The following DNAH8 variants were observed in gnomAD, a reference collection of about 807,000 sequenced individuals.
DNAH8 encodes the protein axonemal beta dynein heavy chain 8.
A neutral mutation model predicts 562.1 loss-of-function variants in DNAH8; 382 were observed. That is an observed-to-expected ratio of 0.68 (90% confidence interval 0.63 to 0.74). DNAH8 has a LOEUF of 0.74. DNAH8 is among the 30% of genes least tolerant of loss of function. The probability of loss-of-function intolerance (pLI) is 0.00; values close to 1 mark genes in which losing one functional copy is unlikely to be tolerated. For missense variants in DNAH8, 5,203 were observed against 5,620.4 expected (o/e 0.93, Z 2.37); for synonymous variants, 1,881 against 1,919.4 (o/e 0.98, Z 0.52).
chr6:38,973,662 G>C lies in DNAH8; in HGVS notation c.12527G>C (p.Gly4176Ala), dbSNP rs1763483878. The C allele has an allele frequency of 6.3e-7, 1 of 1,588,610 alleles. No individual in the cohort carries two copies. Among genetic ancestry groups the C allele is most frequent in the Admixed American group, 1.9e-5 (1 of 54,042 alleles). ...ATATGAACTTATTTTTGGATACAGG[G>C]TGGTTGGGTATTACTACAAAATTGC... ...RKLIQMSMQQGGWVLLQNCHL... is the reference protein window; with the variant it reads ...RKLIQMSMQQAGWVLLQNCHL... Residue 4176 changes from glycine to alanine, a missense_variant and splice_region_variant, in exon 84 of 93, where the codon GGT becomes GCT. By Grantham distance (60) the Gly-to-Ala change is moderately conservative (BLOSUM62 0). This residue lies in a region of DNAH8 where 1,399 missense variants were observed against 1,518.4 expected (regional missense o/e 0.92). Transcript: ENST00000327475.
At chr6:38,857,451 C>T (rs1365559577) in intron 41 of DNAH8, 67 bp from the exon 42 acceptor site, 1 of 1,085,982 alleles carries the variant, frequency 9.2e-7, no homozygotes, top group Non-Finnish European at 1.4e-6. Context: ...TAAGTGACCA[C>T]CAAATTTTAT....
At chr6:38,900,703 C>T (rs748279994) in intron 62 of DNAH8, among the ~76,000 whole-genome samples, 11 of 152,008 alleles carry the variant, frequency 7.2e-5, no homozygotes, top group Non-Finnish European at 1.5e-4. Flanking sequence ...CTGCAAACTC[C>T]ACCTCCCAGG....
intron 45 of DNAH8, among the ~76,000 whole-genome samples, chr6:38,865,166 A>G (rs1335878960): frequency 6.6e-6 from 1 of 152,212 alleles, no homozygotes; most frequent in Non-Finnish European, 1.5e-5. Flanking sequence ...TTAAATCTCG[A>G]AGTTGCAAGA....
intron 91 of DNAH8, among the ~76,000 whole-genome samples, chr6:39,023,552 T>C (rs1351768537): frequency 6.6e-6 from 1 of 152,172 alleles, no homozygotes; most frequent in Non-Finnish European, 1.5e-5. Context: ...ACAAAAGTAC[T>C]GCTTTCAAGC....
intron 56 of DNAH8, among the ~76,000 whole-genome samples, chr6:38,886,354 T>G (rs1778925470): frequency 6.6e-6 from 1 of 152,102 alleles, no homozygotes; most frequent in South Asian, 2.1e-4. Context: ...GATGAGAACA[T>G]AAAACCAACA....
In DNAH8 at chr6:38,990,044, A is replaced by T. The variant is rs752607167; in HGVS notation, c.13086A>T (p.Ser4362=). 1 of 1,602,052 alleles carries T rather than the reference A, an allele frequency of 6.2e-7. No homozygotes were observed. The highest frequency in any genetic ancestry group is 8.5e-7 in the Non-Finnish European group (1 of 1,170,066). The change falls in exon 88 of 93, where the codon TCA becomes TCT. Residue 4362 remains serine, a synonymous_variant. Coordinates refer to ENST00000327475, the MANE Select transcript of DNAH8 (RefSeq NM_001206927.2). ...VWFSEKMFEP[S]FCFYTGYKIP... ...TCAGTGAGAAGATGTTTGAACCGTC[A>T]TTCTGCTTTTATACTGGATATAAAA...
intron 9 of DNAH8, among the ~76,000 whole-genome samples, chr6:38,753,921 C>T (rs182356564): frequency 3.3e-5 from 5 of 152,280 alleles, no homozygotes; most frequent in Admixed American, 3.3e-4. Flanking sequence ...TTGCTTCCCA[C>T]TCATACACCC....
At chr6:38,892,213 C>T (rs1779383786) in intron 58 of DNAH8, among the ~76,000 whole-genome samples, 1 of 152,024 alleles carries the variant, frequency 6.6e-6, no homozygotes, top group African/African-American at 2.4e-5. Flanking sequence ...CCTAGGTGGC[C>T]TCATCAAGCT....
intron 33 of DNAH8, among the ~76,000 whole-genome samples, chr6:38,839,019 C>G (rs900479768): frequency 2.0e-5 from 3 of 152,116 alleles, no homozygotes; most frequent in African/African-American, 7.2e-5. Flanking sequence ...AATGCTTCAG[C>G]CATTTAGGGT....
chr6:39,030,788 G>A lies in DNAH8; in HGVS notation c.*396G>A, dbSNP rs1195993524. ...TTTCCCTTGAATAAAATCTAGCCAT[G>A]TCTATGTCTGTGCTAACGTGTTATC... On this transcript the variant is annotated 3_prime_UTR_variant, in exon 93 of 93. Transcript: ENST00000327475. 6.6e-6 allele frequency among the ~76,000 whole-genome samples: 1 copy of A among 152,130 alleles called. No homozygotes were observed. The highest frequency in any genetic ancestry group is 2.4e-5 in the African/African-American group (1 of 41,426).
In DNAH8 at chr6:38,783,030, G is replaced by A. The variant is rs141715565; in HGVS notation, c.2286G>A (p.Pro762=). 2.8e-5 allele frequency: 45 copies of A among 1,613,644 alleles called. No homozygotes were observed. The Admixed American group carries it at 3.5e-4, about 13-fold the overall frequency. ...FFKNSDILSS[P]DGKAVIRQYN... ...AAAACTCAGACATTTTATCAAGTCC[G>A]GACGGTAAAGCTGTCATCCGTCAGT... The change falls in exon 17 of 93, where the codon CCG becomes CCA. Residue 762 remains proline, a synonymous_variant. Transcript: ENST00000327475.
At chr6:39,029,550 C>G (rs1422197440) in intron 92 of DNAH8, among the ~76,000 whole-genome samples, 1 of 152,156 alleles carries the variant, frequency 6.6e-6, no homozygotes, top group Non-Finnish European at 1.5e-5. Flanking sequence ...GAGAGAGACA[C>G]TGGGGAGGGT....
chr6:38,896,008 T>C, intron 59 of DNAH8, 25 bp from the exon 60 acceptor site: 1 of 1,592,392 alleles, frequency 6.3e-7, no homozygotes, highest in Admixed American at 1.7e-5. Flanking sequence ...TATTTAACAT[T>C]CTTACTACTA....
At position 38,938,134 on chromosome 6, in the gene DNAH8, C is replaced by T; in HGVS notation, c.11724C>T (p.Leu3908=). ...FRPAATRGSI[L]YFLITEMSMV... ...CCGCAGCCACCCGCGGAAGCATCCT[C>T]TACTTCCTCATCACAGAGATGAGCA... The change falls in exon 78 of 93, where the codon CTC becomes CTT. Residue 3908 remains leucine (L), a synonymous_variant. Transcript: ENST00000327475. The T allele has an allele frequency of 3.1e-6, 5 of 1,614,124 alleles. No individual in the cohort carries two copies. Among genetic ancestry groups the T allele is most frequent in the Non-Finnish European group, 4.2e-6 (5 of 1,180,026 alleles).
chr6:38,868,790 C>T (rs1040540304), intron 48 of DNAH8, among the ~76,000 whole-genome samples: 4 of 151,980 alleles, frequency 2.6e-5, no homozygotes, highest in Non-Finnish European at 5.9e-5. Flanking sequence ...CCTGCCCCAG[C>T]CTCCTGAGTA....
chr6:38,715,960 A>ATATTTTTTTTTTT (rs1372342002), intron 1 of DNAH8, among the ~76,000 whole-genome samples: 3 of 23,624 alleles, frequency 1.3e-4, no homozygotes, highest in African/African-American at 1.1e-3. Flanking sequence ...ATATATATAT[A>ATATTTTTTTTTTT]TTTTTTTTTT....
rs201672902 is a variant in DNAH8 at position 38,729,928 on chromosome 6, G to A, written c.552G>A (p.Ala184=). 11 of 1,593,426 alleles carry A rather than the reference G, an allele frequency of 6.9e-6. No homozygotes were observed. Among genetic ancestry groups the A allele is most frequent in the East Asian group, 2.2e-5 (1 of 44,606 alleles). The change falls in exon 4 of 93, where the codon GCG becomes GCA. Residue 184 remains alanine, a synonymous_variant. Coordinates refer to ENST00000327475, the MANE Select transcript of DNAH8 (RefSeq NM_001206927.2). ...TGGAAGCATTTACTAATTTTTTTGC[G>A]AAAGATGGTTGTAAGACACTGAAAT... ...PSLEAFTNFF[A]KDGCKTLKFL...
intron 20 of DNAH8, among the ~76,000 whole-genome samples, 155 bp downstream of exon 20, chr6:38,790,560 C>T (rs1234411848): frequency 6.6e-6 from 1 of 152,134 alleles, no homozygotes; most frequent in Admixed American, 6.5e-5. Context: ...CACAGTGGCT[C>T]ACACCTGTAA....
intron 91 of DNAH8, among the ~76,000 whole-genome samples, chr6:39,013,430 A>G (rs948307046): frequency 1.3e-5 from 2 of 152,248 alleles, no homozygotes; most frequent in Non-Finnish European, 2.9e-5. Context: ...AATGTTGAGT[A>G]AGGGAAACCA....
Sources: allele counts gnomAD v4.1 joint callset (sites outside exome capture counted in the v4.1 genomes callset), GRCh38; gene constraint gnomAD v4.1.1; regional missense constraint gnomAD v4.1.1; transcripts MANE v1.5; gene names NCBI Gene and HGNC (gene_info 2026-07-23, HGNC 2026-07-21).